Variants in SNTG1 observed in about 807,000 individuals in gnomAD.
SNTG1 encodes syntrophin gamma 1, also known as gamma-1-syntrophin.
Under a neutral mutation model 74.7 loss-of-function variants are expected in SNTG1, and 39 were observed. That is an observed-to-expected ratio of 0.52 (90% confidence interval 0.40 to 0.68). The LOEUF (loss-of-function observed/expected upper bound fraction) is 0.68, where lower values mean the gene tolerates loss of function less well. SNTG1 is among the 30% of genes least tolerant of loss of function. The pLI is 0.00. For synonymous variants in SNTG1, 254 were observed against 217.1 expected, an observed-to-expected ratio of 1.17 and a Z score of -1.49; for missense variants, 685 against 609.5, an observed-to-expected ratio of 1.12 and a Z score of -1.30.
At chr8:50,308,979 C>T (rs2090004594) in intron 2 of SNTG1, among the ~76,000 whole-genome samples, 2 of 151,990 alleles carry the variant, frequency 1.3e-5, no homozygotes, top group African/African-American at 4.8e-5. Context: ...ATCTACACAT[C>T]AAAGATGACT....
chr8:50,655,765 T>TG (rs2095176331), intron 13 of SNTG1, among the ~76,000 whole-genome samples: 2 of 152,170 alleles, frequency 1.3e-5, no homozygotes, highest in Non-Finnish European at 2.9e-5. Flanking sequence ...TTGTTATTAG[T>TG]CAACTGTCAC....
In SNTG1 at chr8:50,656,730, A is replaced by C. The variant is rs192999985; in HGVS notation, c.850-179A>C. On this transcript the variant is annotated intron_variant, in intron 13 of 18. Transcript: ENST00000642720. ...ATGAGAGGTTTACATTCATTTACTG[A>C]AGCCAAATCTGGTTTAATGTACTTT... is the stretch of plus-strand genomic sequence containing the variant. Among the ~76,000 whole-genome samples, 483 of 152,296 alleles carry C rather than the reference A, an allele frequency of 3.2e-3. 3 individuals carry two copies. Among genetic ancestry groups the C allele is most frequent in the Middle Eastern group, 0.014 (4 of 294 alleles).
chr8:50,045,226 A>G (rs1586032370), intron 1 of SNTG1, among the ~76,000 whole-genome samples: 1 of 152,148 alleles, frequency 6.6e-6, no homozygotes, highest in African/African-American at 2.4e-5. Context: ...GGTAATATAT[A>G]TAAAGAAAGG....
intron 2 of SNTG1, among the ~76,000 whole-genome samples, chr8:50,275,693 C>T (rs922699128): frequency 3.9e-5 from 6 of 152,140 alleles, no homozygotes; most frequent in Non-Finnish European, 7.3e-5. Flanking sequence ...GCACCTTTAC[C>T]TTCAAGCTTC....
chr8:50,241,298 G>A (rs568283805), intron 2 of SNTG1, among the ~76,000 whole-genome samples: 1 of 152,164 alleles, frequency 6.6e-6, no homozygotes, highest in Non-Finnish European at 1.5e-5. Flanking sequence ...ATAGAAAGAA[G>A]AGCAGAGAGT....
At chr8:50,400,630 G>T (rs2092791341) in intron 3 of SNTG1, among the ~76,000 whole-genome samples, 1 of 152,140 alleles carries the variant, frequency 6.6e-6, no homozygotes, top group Non-Finnish European at 1.5e-5. Flanking sequence ...GTGTGTAAGG[G>T]TTCACTTTTC....
chr8:50,006,519 C>T (rs1487027392), intron 1 of SNTG1, among the ~76,000 whole-genome samples: 1 of 152,126 alleles, frequency 6.6e-6, no homozygotes, highest in Non-Finnish European at 1.5e-5. Context: ...TATTATGTTT[C>T]AAGGCTGGGT....
intron 6 of SNTG1, 109 bp downstream of exon 6, chr8:50,449,834 C>G (rs1587669180): frequency 1.0e-6 from 1 of 954,732 alleles, no homozygotes; most frequent in Non-Finnish European, 1.5e-6. Context: ...CTGGCTCCAG[C>G]TTCCCCACCT....
chr8:50,337,449 T>C (rs2091178150), intron 2 of SNTG1, among the ~76,000 whole-genome samples: 1 of 152,182 alleles, frequency 6.6e-6, no homozygotes, highest in Non-Finnish European at 1.5e-5. Flanking sequence ...GTTATCACTG[T>C]AACAATCTGA....
intron 9 of SNTG1, among the ~76,000 whole-genome samples, chr8:50,529,665 T>C (rs193084969): frequency 2.8e-3 from 428 of 152,204 alleles, no homozygotes; most frequent in African/African-American, 9.6e-3. Flanking sequence ...ATGAAGTTTT[T>C]TCATTGCAAT....
chr8:49,957,058 G>A (rs534359716), intron 1 of SNTG1, among the ~76,000 whole-genome samples: 2 of 152,290 alleles, frequency 1.3e-5, no homozygotes, highest in South Asian at 4.1e-4. Context: ...TACAAGATGA[G>A]TAAGTTAATT....
At chr8:50,617,092 T>C (rs2094889912) in intron 13 of SNTG1, among the ~76,000 whole-genome samples, 1 of 152,200 alleles carries the variant, frequency 6.6e-6, no homozygotes, top group Non-Finnish European at 1.5e-5. Context: ...ATCATCTCTA[T>C]TGTCCTGTGA....
intron 2 of SNTG1, among the ~76,000 whole-genome samples, chr8:50,204,959 C>T (rs1171623147): frequency 1.3e-5 from 2 of 152,150 alleles, no homozygotes; most frequent in African/African-American, 4.8e-5. Context: ...TTTCTTAATC[C>T]AGTCTATCAT....
intron 11 of SNTG1, among the ~76,000 whole-genome samples, chr8:50,541,312 A>G (rs986586545): frequency 1.3e-5 from 2 of 151,114 alleles, no homozygotes; most frequent in African/African-American, 2.4e-5. Context: ...TCACATATGC[A>G]TGTTCCTGCA....
chr8:50,764,419 A>G (rs2095608322), intron 18 of SNTG1, among the ~76,000 whole-genome samples: 1 of 151,958 alleles, frequency 6.6e-6, no homozygotes, highest in South Asian at 2.1e-4. Flanking sequence ...AACAACTTCA[A>G]AGTACAAAAC....
At chr8:50,165,888 AACCAAAACAGCATGGTACTGGT>A (rs2082597846) in intron 1 of SNTG1, among the ~76,000 whole-genome samples, 1 of 151,802 alleles carries the variant, frequency 6.6e-6, no homozygotes, top group Non-Finnish European at 1.5e-5. Context: ...AGGCTACAGT[AACCAAAACAGCATGGTACTGGT>A]ACCAAAACAG....
intron 13 of SNTG1, among the ~76,000 whole-genome samples, chr8:50,652,537 C>T (rs1439159085): frequency 6.6e-6 from 1 of 152,090 alleles, no homozygotes; most frequent in African/African-American, 2.4e-5. Context: ...TGGCTCAAAC[C>T]TGTAATCTTA....
chr8:50,162,268 A>C (rs549636731), intron 1 of SNTG1, among the ~76,000 whole-genome samples: 1 of 152,146 alleles, frequency 6.6e-6, no homozygotes, highest in African/African-American at 2.4e-5. Context: ...CCTGCTGGCT[A>C]TAAGAAAGCA....
intron 18 of SNTG1, among the ~76,000 whole-genome samples, chr8:50,767,137 T>C (rs2095615774): frequency 6.6e-6 from 1 of 151,924 alleles, no homozygotes; most frequent in Admixed American, 6.6e-5. Context: ...AATAGGGAAA[T>C]ACTTTCAACA....
Sources: gnomAD v4.1 joint callset for allele counts (sites outside exome capture counted in the v4.1 genomes callset) on GRCh38, gnomAD v4.1.1 for gene constraint, MANE v1.5 for transcripts, NCBI Gene and HGNC (gene_info 2026-07-23, HGNC 2026-07-21) for gene names.